AFF3: variants seen among roughly 807,000 people sequenced by gnomAD.
AFF3 encodes the protein ALF transcription elongation factor 3.
Under a neutral mutation model 129.7 loss-of-function variants are expected in AFF3, and 32 were observed. The observed-to-expected ratio is 0.25, with a 90% CI of 0.19 to 0.33. AFF3 has a LOEUF of 0.33. Ranked by LOEUF, AFF3 falls within the 10% of genes least tolerant of loss-of-function variation. The probability of loss-of-function intolerance (pLI) is 1.00; values close to 1 mark genes in which losing one functional copy is unlikely to be tolerated. For missense variants in AFF3, 1,373 were observed against 1,592.0 expected (o/e 0.86, Z 2.34); for synonymous variants, 644 against 635.4 (o/e 1.01, Z -0.20).
intron 19 of AFF3, among the ~76,000 whole-genome samples, chr2:99,568,408 T>G (rs1367792137): frequency 6.6e-6 from 1 of 152,238 alleles, no homozygotes; most frequent in East Asian, 1.9e-4. Context: ...AGATAATAGT[T>G]TCTGTGTTGT....
At chr2:99,654,931 A>C (rs1217220641) in intron 12 of AFF3, among the ~76,000 whole-genome samples, 1 of 152,190 alleles carries the variant, frequency 6.6e-6, no homozygotes, top group African/African-American at 2.4e-5. Flanking sequence ...GAAATCAAAG[A>C]GGAAATTAAA....
intron 11 of AFF3, among the ~76,000 whole-genome samples, chr2:99,678,167 C>T (rs145220624): frequency 6.6e-6 from 1 of 152,318 alleles, no homozygotes; most frequent in African/African-American, 2.4e-5. Context: ...ACAACTTTTG[C>T]AGAACCCAAC....
At chr2:99,889,232 T>C (rs1242823676) in intron 7 of AFF3, among the ~76,000 whole-genome samples, 1 of 152,124 alleles carries the variant, frequency 6.6e-6, no homozygotes, top group Non-Finnish European at 1.5e-5. Flanking sequence ...CTCAAACTCC[T>C]GGGACCAAGC....
At chr2:99,707,676 T>A (rs1345838056) in intron 11 of AFF3, 14 of 984,442 alleles carry the variant, frequency 1.4e-5, no homozygotes, top group Non-Finnish European at 1.7e-5. Flanking sequence ...GCTTTGGTAT[T>A]TAGATGTTAA....
At chr2:99,937,086 CATTTTGG>C (rs1265900827) in intron 7 of AFF3, among the ~76,000 whole-genome samples, 1 of 152,136 alleles carries the variant, frequency 6.6e-6, no homozygotes, top group Non-Finnish European at 1.5e-5. Flanking sequence ...GGACTGGAAG[CATTTTGG>C]ATTTTGGATT....
At chr2:99,724,271 C>CTTTGTTTTTTTTTTTTTT (rs1411290883) in intron 11 of AFF3, among the ~76,000 whole-genome samples, 1 of 66,862 alleles carries the variant, frequency 1.5e-5, no homozygotes, top group Non-Finnish European at 2.5e-5. Flanking sequence ...AATGACCTTT[C>CTTTGTTTTTTTTTTTTTT]TTTTTTTTTT....
At position 99,649,684 on chromosome 2, in the gene AFF3, C is replaced by G. The variant is rs751170756; in HGVS notation, c.1144-18G>C. The G allele has an allele frequency of 4.8e-5, 78 of 1,613,720 alleles. No homozygotes were observed. The highest frequency in any genetic ancestry group is 6.5e-5 in the Non-Finnish European group (77 of 1,179,774). On this transcript the variant is annotated intron_variant, in intron 12 of 24. Coordinates refer to ENST00000672756, the MANE Select transcript of AFF3 (RefSeq NM_001386135.1). Reference sequence around the variant, plus strand: ...GCTGCCTGCTGGAAGAAAGAAAGGGCAGAGATGTTTATTTAATATTCTGAC... The same window carrying G: ...GCTGCCTGCTGGAAGAAAGAAAGGGGAGAGATGTTTATTTAATATTCTGAC...
intron 11 of AFF3, among the ~76,000 whole-genome samples, chr2:99,714,931 A>G (rs1331880902): frequency 6.6e-6 from 1 of 152,216 alleles, no homozygotes; most frequent in Non-Finnish European, 1.5e-5. Flanking sequence ...ATATGACTCC[A>G]AGTTGCACAT....
At chr2:100,104,124 C>T (rs1257683909) in intron 4 of AFF3, among the ~76,000 whole-genome samples, 2 of 152,058 alleles carry the variant, frequency 1.3e-5, no homozygotes, top group Non-Finnish European at 2.9e-5. Flanking sequence ...TTCCTCCCCA[C>T]GGCTGCGCTC....
Position 99,868,436 on chromosome 2 carries a change from C to T in AFF3, c.874-30912G>A, listed in dbSNP as rs147913283. On this transcript the variant is annotated intron_variant, in intron 7 of 24. Coordinates refer to ENST00000672756, the MANE Select transcript of AFF3 (RefSeq NM_001386135.1). ...GAGGGGAGACAGCAGGCCAGGCGAG[C>T]GAGTGTCTGACAGATTGTGCCCTGA... Among the ~76,000 whole-genome samples the T allele has an allele frequency of 5.3e-5, 8 of 152,204 alleles. No individual in the cohort carries two copies. In the East Asian group the frequency reaches 9.7e-4, roughly 18 times the overall value.
At position 99,565,335 on chromosome 2, in the gene AFF3, C is replaced by T. The variant is rs115827432; in HGVS notation, c.3119+152G>A. On this transcript the variant is annotated intron_variant, in intron 20 of 24. Transcript: ENST00000672756. ...ACAGAGGGGGCAGGGTGTGCCAAGACGCCTTGCACGACCTTACCCTCTTAT... is the reference window on the plus strand; with the variant it reads ...ACAGAGGGGGCAGGGTGTGCCAAGATGCCTTGCACGACCTTACCCTCTTAT... 2.0e-3 allele frequency: 2,204 copies of T among 1,088,782 alleles called. 33 individuals carry two copies. The African/African-American group carries it at 0.03, about 15-fold the overall frequency. 67.4% of individuals were successfully genotyped at this position (1,088,782 alleles called of 1,614,324 possible).
chr2:99,898,964 C>G (rs1348345569), intron 7 of AFF3, among the ~76,000 whole-genome samples: 1 of 152,144 alleles, frequency 6.6e-6, no homozygotes, highest in Non-Finnish European at 1.5e-5. Context: ...CTCCTTGCTC[C>G]CACTCTTCCC....
chr2:99,675,576 C>T (rs973080472), intron 11 of AFF3, among the ~76,000 whole-genome samples: 5 of 152,326 alleles, frequency 3.3e-5, no homozygotes, highest in Admixed American at 6.5e-5. Context: ...TCTTCAAGTC[C>T]GGTTTAACAT....
intron 7 of AFF3, among the ~76,000 whole-genome samples, chr2:99,915,466 G>A (rs1695412979): frequency 6.6e-6 from 1 of 152,092 alleles, no homozygotes. Flanking sequence ...TCTCTGCGGT[G>A]GAGAAAAAGG....
chr2:100,006,084 T>G (rs536653107), intron 7 of AFF3: 13 of 152,360 alleles, frequency 8.5e-5, no homozygotes, highest in African/African-American at 3.1e-4. Flanking sequence ...TCCAAAACAT[T>G]TGAATAGTTC....
At chr2:100,128,250 G>C (rs1314033562) in intron 2 of AFF3, among the ~76,000 whole-genome samples, 1 of 152,166 alleles carries the variant, frequency 6.6e-6, no homozygotes. Flanking sequence ...TAATAAACTT[G>C]TTTTCACTTG....
At position 100,068,153 on chromosome 2, in the gene AFF3, TTC is replaced by T. The variant is rs1397957555; in HGVS notation, c.53+36247_53+36248del. On this transcript the variant is annotated intron_variant, in intron 4 of 24. Transcript: ENST00000672756. The stretch of plus-strand genomic sequence containing the variant: ...GCCAGCTCGCTTCGGCACAACCAAC[TTC>T]TCTCTTAATGCTCTAAGTTCCTGTC... Among the ~76,000 whole-genome samples the T allele has an allele frequency of 7.9e-5, 12 of 152,330 alleles. No homozygotes were observed. The South Asian group carries it at 1.2e-3, about 16-fold the overall frequency.
In AFF3 at chr2:100,011,003, T is replaced by G. The variant is rs564972881; in HGVS notation, c.54-2071A>C. Among the ~76,000 whole-genome samples, 6 of 152,268 alleles carry G rather than the reference T, an allele frequency of 3.9e-5. No homozygotes were observed. In the East Asian group the frequency reaches 5.8e-4, roughly 15 times the overall value. ...TAGAAAACAAAAAGCAGCCGGGCGC[T>G]GTGGCTCATGCCTGTAATCCCAGCA... is the stretch of plus-strand genomic sequence containing the variant. On this transcript the variant is annotated intron_variant, in intron 4 of 24. Transcript: ENST00000672756.
intron 7 of AFF3, among the ~76,000 whole-genome samples, chr2:99,943,883 T>A (rs1675303304): frequency 6.6e-6 from 1 of 151,940 alleles, no homozygotes; most frequent in Non-Finnish European, 1.5e-5. Flanking sequence ...TGAGACTAGT[T>A]GATAATTTTT....
Sources: allele counts gnomAD v4.1 joint callset (sites outside exome capture counted in the v4.1 genomes callset), GRCh38; gene constraint gnomAD v4.1.1; transcripts MANE v1.5; gene names NCBI Gene and HGNC (gene_info 2026-07-23, HGNC 2026-07-21).